The following DNASE1 variants were observed in gnomAD, a reference collection of about 807,000 sequenced individuals.
DNASE1 encodes deoxyribonuclease-1.
DNASE1 carries 40 observed loss-of-function variants against 33.9 expected under a neutral mutation model. The ratio of observed to expected loss-of-function variants is 1.18; its 90% confidence interval spans 0.92 to 1.54. The LOEUF (loss-of-function observed/expected upper bound fraction) is 1.54. DNASE1 is among the 40% of genes most tolerant of loss of function. The pLI is 0.00. For synonymous variants in DNASE1, 216 were observed against 160.0 expected (o/e 1.35, Z -2.64); for missense variants, 518 against 372.6 (o/e 1.39, Z -3.21).
At chr16:3,641,088 C>T, upstream of DNASE1, 1 of 397,530 alleles carries the variant, frequency 2.5e-6, no homozygotes, top group Non-Finnish European at 4.4e-6. Context: ...CTGCGTGAGG[C>T]CCCATCCACA....
Position 3,628,838 on chromosome 16 carries a change from C to T in DNASE1, c.-1358-11877C>T, listed in dbSNP as rs566777808. Among the ~76,000 whole-genome samples the T allele has an allele frequency of 1.3e-4, 19 of 144,038 alleles. 1 individual carries two copies. In the East Asian group the frequency reaches 3.0e-3, roughly 23 times the overall value. The allele number at this position is 144,038 out of a possible 152,430, so 94.5% of individuals were successfully genotyped here. The stretch of plus-strand genomic sequence containing the variant: ...CTTCCCAAAGTGCTGGGATTACAGG[C>T]GTGAGCCACCGTGCCTGGCTCTGTT... On this transcript the variant is annotated intron_variant and NMD_transcript_variant, in intron 1 of 11. Coordinates refer to the DNASE1 transcript ENST00000570769.
At chr16:3,659,014 T>C (rs2042904162), downstream of DNASE1, 1 of 750,788 alleles carries the variant, frequency 1.3e-6, no homozygotes, top group East Asian at 2.8e-5. Context: ...CATTTATAGA[T>C]AATATCATTA....
chr16:3,657,888 G>A lies in DNASE1; in HGVS notation c.802-18G>A, dbSNP rs917681330. ...CTCAGGTAGGCTCAGCCCAGACCCT[G>A]TGCCCACTTGCCTGCAGGCCCAAGC... On this transcript the variant is annotated intron_variant, in intron 8 of 8. Coordinates refer to ENST00000246949, the MANE Select transcript of DNASE1 (RefSeq NM_005223.4). 2 of 1,613,932 alleles carry A rather than the reference G, an allele frequency of 1.2e-6. No homozygotes were observed. Among genetic ancestry groups the A allele is most frequent in the South Asian group, 1.1e-5 (1 of 91,082 alleles).
chr16:3,654,579 C>A (rs1200188110), upstream of DNASE1: 2 of 398,642 alleles, frequency 5.0e-6, no homozygotes. Context: ...CTGGCCCATC[C>A]CTGCCCTATC....
At chr16:3,625,621 TC>T (rs1322832317) in intron 1 of DNASE1, among the ~76,000 whole-genome samples, 1 of 151,460 alleles carries the variant, frequency 6.6e-6, no homozygotes, top group Non-Finnish European at 1.5e-5. Flanking sequence ...AGACCCTGTG[TC>T]AAAAAATAAA....
At chr16:3,638,401 A>C (rs1211529427), upstream of DNASE1, among the ~76,000 whole-genome samples, 1 of 152,016 alleles carries the variant, frequency 6.6e-6, no homozygotes, top group Non-Finnish European at 1.5e-5. Flanking sequence ...ACAGTGGCGC[A>C]ATCTTGGCTC....
chr16:3,620,687 C>T (rs1379033993), intron 1 of DNASE1, among the ~76,000 whole-genome samples: 1 of 151,874 alleles, frequency 6.6e-6, no homozygotes, highest in East Asian at 1.9e-4. Flanking sequence ...TGTCTTTGTA[C>T]TTATAACCTG....
chr16:3,629,724 G>A (rs2041636264), intron 1 of DNASE1, among the ~76,000 whole-genome samples: 1 of 152,154 alleles, frequency 6.6e-6, no homozygotes, highest in African/African-American at 2.4e-5. Flanking sequence ...CTTTTCTTAG[G>A]AGATTTTTGA....
intron 1 of DNASE1, among the ~76,000 whole-genome samples, chr16:3,643,582 C>T (rs1171986232): frequency 1.3e-5 from 2 of 152,184 alleles, no homozygotes; most frequent in Non-Finnish European, 1.5e-5. Flanking sequence ...GGGACATGTC[C>T]AGACCCTCCG....
intron 1 of DNASE1, among the ~76,000 whole-genome samples, chr16:3,624,785 G>A (rs2041450768): frequency 6.6e-6 from 1 of 152,290 alleles, no homozygotes; most frequent in African/African-American, 2.4e-5. Flanking sequence ...GGCTCAAACA[G>A]TCCTCCCACC....
At chr16:3,640,002 T>C (rs1176607295), upstream of DNASE1, among the ~76,000 whole-genome samples, 1 of 152,242 alleles carries the variant, frequency 6.6e-6, no homozygotes, top group Admixed American at 6.5e-5. Context: ...GCAGCGATCC[T>C]TTAGAGACTT....
downstream of DNASE1, chr16:3,662,167 G>T: frequency 6.3e-7 from 1 of 1,590,386 alleles, no homozygotes; most frequent in South Asian, 1.1e-5. Context: ...GGTGATAGAG[G>T]TTCCCAATGT....
At chr16:3,664,135 G>A in exon 10 of DNASE1, 4 of 882,914 alleles carry the variant, frequency 4.5e-6, no homozygotes, top group Non-Finnish European at 6.5e-6. Flanking sequence ...AGTCGGTCCG[G>A]CCTCTGTGCC....
intron 1 of DNASE1, among the ~76,000 whole-genome samples, chr16:3,632,685 A>G (rs920869772): frequency 3.3e-5 from 5 of 151,842 alleles, no homozygotes; most frequent in African/African-American, 1.2e-4. Flanking sequence ...TCCTGGGTTC[A>G]AGCAATTCTC....
chr16:3,641,211 A>T, upstream of DNASE1: 2 of 362,474 alleles, frequency 5.5e-6, no homozygotes, highest in Non-Finnish European at 9.9e-6. Flanking sequence ...GCCACAGGGG[A>T]GGAGCTTAGG....
chr16:3,622,402 C>T lies in DNASE1; in HGVS notation c.-1359+10396C>T, dbSNP rs117515428. On this transcript the variant is annotated intron_variant and NMD_transcript_variant, in intron 1 of 11. Transcript: ENST00000570769. ...CTTTCATTGAGGAAACGAGTATTTT[C>T]TTCACGTGATTAAAAGCTACTTGTT... is the stretch of plus-strand genomic sequence containing the variant. Among the ~76,000 whole-genome samples, 360 of 152,184 alleles carry T rather than the reference C, an allele frequency of 2.4e-3. 1 individual carries two copies. Among genetic ancestry groups the T allele is most frequent in the Non-Finnish European group, 4.3e-3 (294 of 68,002 alleles).
intron 1 of DNASE1, among the ~76,000 whole-genome samples, chr16:3,645,010 G>T (rs754841255): frequency 1.3e-4 from 19 of 151,752 alleles, no homozygotes; most frequent in Non-Finnish European, 7.4e-5. Context: ...CATGCCTGTG[G>T]TCGGTCCCAG....
chr16:3,619,369 AT>A lies in DNASE1; in HGVS notation c.-1359+7372del, dbSNP rs552476712. ...ATTTTCTTTCTTTCTTTTATTTTTT[AT>A]TTTTTTTTGGAGACAGAGTCTCGCT... On this transcript the variant is annotated intron_variant and NMD_transcript_variant, in intron 1 of 11. Transcript: ENST00000570769. Among the ~76,000 whole-genome samples the A allele has an allele frequency of 6.9e-4, 95 of 138,546 alleles. 1 individual carries two copies. In the South Asian group the frequency reaches 0.01, roughly 15 times the overall value. 90.9% of individuals were successfully genotyped at this position (138,546 alleles called of 152,430 possible). A position where few individuals can be genotyped will look rare whatever the true frequency, so the allele number is the denominator to read the frequency against.
chr16:3,657,480 A>ATAACAAGAGCCACGATTTTTAGGTTT (rs2042752320), intron 7 of DNASE1, 139 bp downstream of exon 7: 2 of 1,319,310 alleles, frequency 1.5e-6, no homozygotes. Context: ...AGGGAACAGA[A>ATAACAAGAGCCACGATTTTTAGGTTT]TAACAAGAGC....
Sources: gnomAD v4.1 joint callset for allele counts (sites outside exome capture counted in the v4.1 genomes callset) on GRCh38, gnomAD v4.1.1 for gene constraint, MANE v1.5 for transcripts, NCBI Gene and HGNC (gene_info 2026-07-23, HGNC 2026-07-21) for gene names.